The following SGCZ variants were observed in gnomAD, a reference collection of about 807,000 sequenced individuals.
SGCZ encodes the protein zeta-sarcoglycan.
SGCZ carries 40 observed loss-of-function variants against 41.3 expected under a neutral mutation model. The ratio of observed to expected loss-of-function variants is 0.97; its 90% CI spans 0.75 to 1.26. The LOEUF (loss-of-function observed/expected upper bound fraction) is 1.26. Among genes scored for constraint, SGCZ ranks in the 50% most tolerant of loss-of-function variants. SGCZ has a pLI of 0.00. For synonymous variants in SGCZ, 206 were observed against 137.5 expected, an observed-to-expected ratio of 1.50 and a Z score of -3.49; for missense variants, 552 against 369.8, an observed-to-expected ratio of 1.49 and a Z score of -4.04.
chr8:15,203,466 G>A (rs1424691758), intron 1 of SGCZ, among the ~76,000 whole-genome samples: 2 of 152,142 alleles, frequency 1.3e-5, no homozygotes, highest in Admixed American at 6.5e-5. Context: ...ACACCGGATT[G>A]AGGGCAAACA....
chr8:14,737,280 T>C (rs1483774134), intron 1 of SGCZ, among the ~76,000 whole-genome samples: 5 of 151,670 alleles, frequency 3.3e-5, no homozygotes, highest in Non-Finnish European at 2.9e-5. Flanking sequence ...CAGACTAATA[T>C]TAATTTTATA....
intron 1 of SGCZ, among the ~76,000 whole-genome samples, chr8:15,061,337 A>G (rs112511180): frequency 6.6e-6 from 1 of 151,640 alleles, no homozygotes; most frequent in African/African-American, 2.4e-5. Flanking sequence ...GAACAATGAG[A>G]ACACATGGAC....
intron 7 of SGCZ, among the ~76,000 whole-genome samples, chr8:14,099,704 G>A (rs7001416): frequency 0.3 from 45,328 of 151,904 alleles, 7,522 homozygotes; most frequent in East Asian, 0.73. Flanking sequence ...CATCCTGGGC[G>A]ACAAGAGCGA....
At chr8:14,215,378 A>G (rs7007237) in intron 4 of SGCZ, among the ~76,000 whole-genome samples, 1 of 151,956 alleles carries the variant, frequency 6.6e-6, no homozygotes. Flanking sequence ...AGCAGTGATA[A>G]CAGACAAACT....
At chr8:15,074,917 A>G (rs1805475321) in intron 1 of SGCZ, among the ~76,000 whole-genome samples, 1 of 152,086 alleles carries the variant, frequency 6.6e-6, no homozygotes, top group Non-Finnish European at 1.5e-5. Context: ...TCTGTATCTG[A>G]CCCTATCCCT....
At chr8:14,837,633 G>T (rs1226881829) in intron 1 of SGCZ, among the ~76,000 whole-genome samples, 1 of 152,114 alleles carries the variant, frequency 6.6e-6, no homozygotes. Flanking sequence ...TCCCTCATTT[G>T]GATGTAGAAG....
chr8:14,098,847 A>G (rs937378360), intron 7 of SGCZ, among the ~76,000 whole-genome samples: 1 of 152,116 alleles, frequency 6.6e-6, no homozygotes, highest in Non-Finnish European at 1.5e-5. Context: ...AGGCCTCATC[A>G]ATGGAGTAAA....
At chr8:14,419,467 T>C (rs567120748) in intron 2 of SGCZ, among the ~76,000 whole-genome samples, 4 of 152,100 alleles carry the variant, frequency 2.6e-5, no homozygotes, top group Middle Eastern at 3.4e-3. Context: ...CTATCCTCTA[T>C]GAGATTTTTT....
At chr8:14,272,413 A>G (rs559826782) in intron 3 of SGCZ, among the ~76,000 whole-genome samples, 1 of 152,334 alleles carries the variant, frequency 6.6e-6, no homozygotes, top group East Asian at 1.9e-4. Context: ...AATAACCACC[A>G]GTGTTCTGGT....
chr8:15,145,995 G>T (rs1168865211), intron 1 of SGCZ, among the ~76,000 whole-genome samples: 1 of 152,146 alleles, frequency 6.6e-6, no homozygotes, highest in Admixed American at 6.5e-5. Context: ...ACAAGGGGAT[G>T]AATGCTATCT....
intron 1 of SGCZ, among the ~76,000 whole-genome samples, chr8:14,942,516 A>T (rs1800310365): frequency 6.6e-6 from 1 of 152,152 alleles, no homozygotes. Context: ...ATTCCTTGGC[A>T]TCTAAATAAT....
At chr8:14,783,696 T>TGAC in intron 1 of SGCZ, among the ~76,000 whole-genome samples, 1 of 152,172 alleles carries the variant, frequency 6.6e-6, no homozygotes, top group African/African-American at 2.4e-5. Flanking sequence ...AGTGATCAGT[T>TGAC]TAAGGGTTTT....
chr8:14,801,680 G>A (rs1585272521), intron 1 of SGCZ, among the ~76,000 whole-genome samples: 1 of 152,128 alleles, frequency 6.6e-6, no homozygotes, highest in Admixed American at 6.5e-5. Context: ...GGGAAAATCA[G>A]GCAGAGACTA....
At chr8:14,866,371 A>G (rs144202468) in intron 1 of SGCZ, among the ~76,000 whole-genome samples, 1 of 152,288 alleles carries the variant, frequency 6.6e-6, no homozygotes, top group East Asian at 1.9e-4. Flanking sequence ...GTATTTCATT[A>G]TCAACATTCA....
chr8:15,038,583 G>A (rs1465363208), intron 1 of SGCZ, among the ~76,000 whole-genome samples: 1 of 151,238 alleles, frequency 6.6e-6, no homozygotes, highest in Non-Finnish European at 1.5e-5. Flanking sequence ...AAACGCACAG[G>A]CAAAAAAGCA....
intron 1 of SGCZ, among the ~76,000 whole-genome samples, chr8:14,931,740 G>C (rs1429415622): frequency 1.3e-5 from 2 of 152,110 alleles, no homozygotes; most frequent in Non-Finnish European, 1.5e-5. Context: ...AAAGCCTTTA[G>C]AAGTCATTAA....
intron 1 of SGCZ, among the ~76,000 whole-genome samples, chr8:14,839,156 T>C (rs1047129792): frequency 6.6e-6 from 1 of 152,100 alleles, no homozygotes; most frequent in African/African-American, 2.4e-5. Context: ...TTGCTTAAAC[T>C]AGTATGATAT....
chr8:14,755,912 T>A (rs1391170539), intron 1 of SGCZ, among the ~76,000 whole-genome samples: 1 of 151,814 alleles, frequency 6.6e-6, no homozygotes, highest in African/African-American at 2.4e-5. Flanking sequence ...TTGAATGAAA[T>A]CAGAATAAGT....
intron 3 of SGCZ, among the ~76,000 whole-genome samples, chr8:14,309,990 A>G (rs1449248066): frequency 2.6e-5 from 4 of 151,992 alleles, no homozygotes; most frequent in Non-Finnish European, 5.9e-5. Flanking sequence ...TACAAATTTT[A>G]CCCATCCACA....
Sources: allele counts gnomAD v4.1 joint callset (sites outside exome capture counted in the v4.1 genomes callset), GRCh38; gene constraint gnomAD v4.1.1; transcripts MANE v1.5; gene names NCBI Gene and HGNC (gene_info 2026-07-23, HGNC 2026-07-21).